Variants in TMEM135 observed in about 807,000 individuals in gnomAD.
The protein encoded by TMEM135 is transmembrane protein 135, also known as peroxisomal membrane protein 52.
Under a neutral mutation model 60.3 loss-of-function variants are expected in TMEM135, and 30 were observed. The observed-to-expected ratio is 0.50, with a 90% CI of 0.37 to 0.68. The LOEUF is 0.68. TMEM135 is among the 30% of genes least tolerant of loss of function. The pLI is 0.00. For synonymous variants in TMEM135, 190 were observed against 186.7 expected (o/e 1.02, Z -0.14); for missense variants, 468 against 548.8 (o/e 0.85, Z 1.47).
intron 5 of TMEM135, among the ~76,000 whole-genome samples, chr11:87,222,189 A>G (rs1940638395): frequency 7.7e-6 from 1 of 130,254 alleles, no homozygotes; most frequent in East Asian, 2.0e-4. Flanking sequence ...CTCAAAAAAA[A>G]AAAAAAAAAA....
intron 6 of TMEM135, among the ~76,000 whole-genome samples, chr11:87,289,305 A>G (rs1436954714): frequency 2.0e-5 from 3 of 152,048 alleles, no homozygotes; most frequent in Admixed American, 6.6e-5. Context: ...GGAATATTCA[A>G]TATTCTCCTT....
intron 4 of TMEM135, among the ~76,000 whole-genome samples, chr11:87,152,852 A>G (rs1035632777): frequency 1.3e-5 from 2 of 152,134 alleles, no homozygotes; most frequent in Admixed American, 6.6e-5. Context: ...TGCCTCATCA[A>G]GTTTTCTGGT....
intron 5 of TMEM135, among the ~76,000 whole-genome samples, chr11:87,174,118 C>T (rs527941499): frequency 6.6e-5 from 10 of 152,064 alleles, no homozygotes; most frequent in Non-Finnish European, 8.8e-5. Flanking sequence ...AATTGCAAGT[C>T]TTAGTTGAGC....
chr11:87,127,585 T>C (rs1937772142), intron 4 of TMEM135, among the ~76,000 whole-genome samples: 2 of 152,232 alleles, frequency 1.3e-5, no homozygotes, highest in African/African-American at 4.8e-5. Context: ...TATTAAATTA[T>C]ATAAATTCAA....
intron 6 of TMEM135, among the ~76,000 whole-genome samples, chr11:87,277,859 A>G (rs998482060): frequency 6.6e-6 from 1 of 152,212 alleles, no homozygotes; most frequent in African/African-American, 2.4e-5. Context: ...TAAATTAGAA[A>G]GACTTTAATT....
chr11:87,298,797 A>AAAAAAAAC (rs1471487807), intron 7 of TMEM135, among the ~76,000 whole-genome samples: 6 of 136,224 alleles, frequency 4.4e-5, no homozygotes, highest in African/African-American at 1.7e-4. Context: ...AAAAAAAAAA[A>AAAAAAAAC]AAAAAAACAG....
At chr11:87,295,151 T>A (rs1942327832) in intron 6 of TMEM135, among the ~76,000 whole-genome samples, 1 of 152,130 alleles carries the variant, frequency 6.6e-6, no homozygotes, top group African/African-American at 2.4e-5. Context: ...ACAACACATA[T>A]AAAGAGCTGA....
rs1428962329 is a variant in TMEM135 at position 87,327,731 on chromosome 11, C to G, written c.*6398C>G. 1 of 453,834 alleles carries G rather than the reference C, an allele frequency of 2.2e-6. No individual in the cohort carries two copies. The highest frequency in any genetic ancestry group is 4.4e-6 in the Non-Finnish European group (1 of 226,764). 28.1% of individuals were successfully genotyped at this position (453,834 alleles called of 1,614,324 possible). On this transcript the variant is annotated 3_prime_UTR_variant, in exon 15 of 15. Transcript: ENST00000305494. ...GGAAACTGATGGTGTAATTCTCAGT[C>G]CAAGGCTGAATTTTCAAGTCTGAGA...
chr11:87,185,910 C>T (rs1939640793), intron 5 of TMEM135, among the ~76,000 whole-genome samples: 1 of 107,048 alleles, frequency 9.3e-6, no homozygotes, highest in African/African-American at 3.9e-5. Flanking sequence ...TGTAGTTATC[C>T]TTCTTTTTTT....
chr11:87,296,207 A>G (rs1209145397), intron 7 of TMEM135, among the ~76,000 whole-genome samples: 1 of 152,214 alleles, frequency 6.6e-6, no homozygotes, highest in East Asian at 1.9e-4. Flanking sequence ...ACTGTCAAAC[A>G]CAGATTCGAT....
intron 1 of TMEM135, among the ~76,000 whole-genome samples, chr11:87,043,744 A>C (rs1949771356): frequency 6.6e-6 from 1 of 151,914 alleles, no homozygotes; most frequent in Non-Finnish European, 1.5e-5. Context: ...CAAACAAACA[A>C]AAAAAACTGT....
chr11:87,184,345 A>G (rs1029670064), intron 5 of TMEM135, among the ~76,000 whole-genome samples: 1 of 152,194 alleles, frequency 6.6e-6, no homozygotes, highest in African/African-American at 2.4e-5. Context: ...AGCCTTCAGT[A>G]GTAATAGAGT....
intron 10 of TMEM135, among the ~76,000 whole-genome samples, chr11:87,312,636 A>G (rs372151891): frequency 2.0e-5 from 3 of 152,052 alleles, no homozygotes; most frequent in South Asian, 2.1e-4. Context: ...CTGCGTTTCA[A>G]TAAAACTTTA....
intron 5 of TMEM135, among the ~76,000 whole-genome samples, chr11:87,219,815 G>A (rs908096284): frequency 1.1e-4 from 16 of 152,242 alleles, no homozygotes; most frequent in African/African-American, 3.4e-4. Context: ...AAACTGCTCT[G>A]ATGTGTTTTG....
chr11:87,285,721 G>A lies in TMEM135; in HGVS notation c.510-10061G>A, dbSNP rs367964123. 2.1e-4 allele frequency among the ~76,000 whole-genome samples: 32 copies of A among 152,340 alleles called. No individual in the cohort carries two copies. The East Asian group carries it at 2.5e-3, about 12-fold the overall frequency. On this transcript the variant is annotated intron_variant, in intron 6 of 14. Coordinates refer to ENST00000305494, the MANE Select transcript of TMEM135 (RefSeq NM_022918.4). ...AGCGAAAGAACAAAGCTTTCACAGC[G>A]TGGAAGGGGACCCGAGCAGGTTGGC...
chr11:87,162,613 T>A (rs1210978561), intron 5 of TMEM135, among the ~76,000 whole-genome samples: 1 of 152,214 alleles, frequency 6.6e-6, no homozygotes, highest in Non-Finnish European at 1.5e-5. Context: ...CTTTATCCAG[T>A]CTATCACTTA....
rs1555124821 is a variant in TMEM135 at position 87,252,798 on chromosome 11, A to ATATGTG, written c.509+16115_509+16116insATGTGT. On this transcript the variant is annotated intron_variant, in intron 6 of 14. Transcript: ENST00000305494. The stretch of plus-strand genomic sequence containing the variant: ...AAAAAAAAAAAAAATTAAAATATAT[A>ATATGTG]TGTGTGTGTGTGTGTGTGTGTGTGT... Among the ~76,000 whole-genome samples, 389 of 134,228 alleles carry ATATGTG rather than the reference A, an allele frequency of 2.9e-3. 2 individuals are homozygous for ATATGTG. Among genetic ancestry groups the ATATGTG allele is most frequent in the South Asian group, 0.012 (50 of 4,078 alleles). 88.1% of individuals were successfully genotyped at this position (134,228 alleles called of 152,430 possible).
intron 1 of TMEM135, 95 bp from the exon 2 acceptor site, chr11:87,067,599 A>C (rs994957693): frequency 3.5e-5 from 53 of 1,526,730 alleles, no homozygotes; most frequent in Non-Finnish European, 4.1e-5. Context: ...ACTTTAACTT[A>C]TAAATATATG....
chr11:87,314,622 T>G (rs1030929546), intron 12 of TMEM135, 75 bp downstream of exon 12: 14 of 1,169,066 alleles, frequency 1.2e-5, no homozygotes, highest in Non-Finnish European at 1.5e-5. Flanking sequence ...TAGCAGCAAA[T>G]GTATATCCCA....
Sources: allele counts gnomAD v4.1 joint callset (sites outside exome capture counted in the v4.1 genomes callset), GRCh38; gene constraint gnomAD v4.1.1; transcripts MANE v1.5; gene names NCBI Gene and HGNC (gene_info 2026-07-23, HGNC 2026-07-21).